The following FBXW8 variants were observed in gnomAD, a reference collection of about 807,000 sequenced individuals.
FBXW8 encodes F-box/WD repeat-containing protein 8.
FBXW8 carries 57 observed loss-of-function variants against 65.3 expected under a neutral mutation model. The observed-to-expected ratio is 0.87, with a 90% CI of 0.71 to 1.09. The LOEUF is 1.09. Ranked by LOEUF, FBXW8 falls within the 50% of genes least tolerant of loss-of-function variation. The pLI is 0.00. For missense variants in FBXW8, 777 were observed against 814.8 expected, an observed-to-expected ratio of 0.95 and a Z score of 0.57; for synonymous variants, 308 against 330.2, an observed-to-expected ratio of 0.93 and a Z score of 0.73.
intron 5 of FBXW8, among the ~76,000 whole-genome samples, chr12:116,970,500 G>A (rs1884589466): frequency 6.6e-6 from 1 of 152,194 alleles, no homozygotes; most frequent in Non-Finnish European, 1.5e-5. Flanking sequence ...ATGGACGGGG[G>A]TGGGTCTCTC....
chr12:116,949,194 G>T (rs569681866), intron 3 of FBXW8: 28 of 166,086 alleles, frequency 1.7e-4, no homozygotes, highest in Admixed American at 3.5e-4. Flanking sequence ...GTCCTTATAA[G>T]AATTAACAGG....
At chr12:117,008,921 G>C (rs1953740220) in intron 7 of FBXW8, among the ~76,000 whole-genome samples, 1 of 152,132 alleles carries the variant, frequency 6.6e-6, no homozygotes, top group South Asian at 2.1e-4. Flanking sequence ...GCCAAAATTA[G>C]CCAGGTGTGG....
intron 2 of FBXW8, among the ~76,000 whole-genome samples, chr12:116,942,770 ATTT>A (rs71099022): frequency 1.8e-3 from 117 of 64,378 alleles, no homozygotes; most frequent in South Asian, 6.4e-3. Context: ...CAGAGCTTCT[ATTT>A]TTTTTTTTTT....
chr12:116,953,085 TG>T (rs776523289), intron 4 of FBXW8, among the ~76,000 whole-genome samples: 57 of 152,254 alleles, frequency 3.7e-4, no homozygotes, highest in Non-Finnish European at 7.3e-4. Context: ...TTTTGTTAAA[TG>T]TATACTGTTT....
At position 116,928,103 on chromosome 12, in the gene FBXW8, GA is replaced by G. The variant is rs1276230448; in HGVS notation, c.402del (p.Glu135AsnfsTer2). ...AINIFQYLDR[K>X]ELGRCAQVSK... ...TCAATATATTTCAGTATCTGGACAG[GA>G]AAGAACTAGGAAGATGTGCACAGGT... is the stretch of plus-strand genomic sequence containing the variant. On this transcript the variant is annotated frameshift_variant, in exon 2 of 11. Coordinates refer to ENST00000652555, the MANE Select transcript of FBXW8 (RefSeq NM_153348.3). LOFTEE classifies it high-confidence loss of function. 2 of 1,609,716 alleles carry G rather than the reference GA, an allele frequency of 1.2e-6. No homozygotes were observed. The highest frequency in any genetic ancestry group is 1.7e-6 in the Non-Finnish European group (2 of 1,177,924).
At chr12:116,990,833 TG>T (rs1953221416) in intron 7 of FBXW8, among the ~76,000 whole-genome samples, 1 of 152,154 alleles carries the variant, frequency 6.6e-6, no homozygotes, top group Non-Finnish European at 1.5e-5. Context: ...ACATTAATTT[TG>T]TGAAAAATCC....
chr12:116,962,912 G>C (rs1324033935), intron 4 of FBXW8, among the ~76,000 whole-genome samples: 1 of 152,226 alleles, frequency 6.6e-6, no homozygotes, highest in Non-Finnish European at 1.5e-5. Flanking sequence ...TTCTGGTATA[G>C]GGTTCCTCAT....
chr12:116,917,278 T>C (rs937543399), intron 1 of FBXW8, among the ~76,000 whole-genome samples: 13 of 152,346 alleles, frequency 8.5e-5, no homozygotes, highest in Admixed American at 6.5e-4. Flanking sequence ...GTGGGCTAGA[T>C]CTGCCTTGGG....
At chr12:117,014,783 G>A (rs949456997) in intron 8 of FBXW8, among the ~76,000 whole-genome samples, 3 of 152,180 alleles carry the variant, frequency 2.0e-5, no homozygotes, top group Non-Finnish European at 4.4e-5. Flanking sequence ...AGCCGTTGCC[G>A]TCCTGCTTTG....
chr12:117,013,875 G>T (rs1360333981), intron 8 of FBXW8, among the ~76,000 whole-genome samples: 1 of 151,788 alleles, frequency 6.6e-6, no homozygotes, highest in Non-Finnish European at 1.5e-5. Context: ...GAGTCACTAA[G>T]GAAAAGTCTG....
chr12:116,997,219 A>G (rs1221852389), intron 7 of FBXW8, among the ~76,000 whole-genome samples: 1 of 152,188 alleles, frequency 6.6e-6, no homozygotes, highest in African/African-American at 2.4e-5. Context: ...GCTTTTGAGG[A>G]CTGGACCATC....
chr12:116,924,089 C>G (rs947343052), intron 1 of FBXW8, among the ~76,000 whole-genome samples: 1 of 152,076 alleles, frequency 6.6e-6, no homozygotes, highest in Non-Finnish European at 1.5e-5. Context: ...TTTAATATTT[C>G]TAATGTCTTT....
chr12:116,980,664 C>T lies in FBXW8; in HGVS notation c.836-4542C>T, dbSNP rs372175983. On this transcript the variant is annotated intron_variant, in intron 5 of 10. Coordinates refer to ENST00000652555, the MANE Select transcript of FBXW8 (RefSeq NM_153348.3). ...TATTTGAGAAGTGAATTTCCTTGAC[C>T]CTGACAGGCATTAACTACTTCTTCC... 3.5e-4 allele frequency among the ~76,000 whole-genome samples: 54 copies of T among 152,188 alleles called. 1 individual carries two copies. The South Asian group carries it at 0.011, about 32-fold the overall frequency.
chr12:116,939,418 C>T (rs1471811044), intron 2 of FBXW8, among the ~76,000 whole-genome samples: 6 of 152,178 alleles, frequency 3.9e-5, no homozygotes, highest in African/African-American at 7.2e-5. Flanking sequence ...AGTTCTGCAG[C>T]GAGGAATTCT....
intron 8 of FBXW8, among the ~76,000 whole-genome samples, chr12:117,013,459 T>G (rs1953873882): frequency 1.3e-5 from 2 of 152,146 alleles, no homozygotes; most frequent in African/African-American, 4.8e-5. Flanking sequence ...CTCTTCTCGC[T>G]AAGACTAAGA....
intron 1 of FBXW8, among the ~76,000 whole-genome samples, chr12:116,920,326 G>A (rs973319867): frequency 6.6e-6 from 1 of 152,150 alleles, no homozygotes; most frequent in Non-Finnish European, 1.5e-5. Flanking sequence ...AAGCAGCTTG[G>A]GTTTCATTCA....
intron 5 of FBXW8, among the ~76,000 whole-genome samples, chr12:116,972,913 C>T (rs1371595760): frequency 2.0e-5 from 3 of 152,044 alleles, no homozygotes; most frequent in African/African-American, 7.2e-5. Context: ...CTAAAAGGAA[C>T]CAGGGATGCT....
chr12:117,001,179 G>A (rs1484190562), intron 7 of FBXW8, among the ~76,000 whole-genome samples: 2 of 152,228 alleles, frequency 1.3e-5, no homozygotes, highest in Non-Finnish European at 2.9e-5. Context: ...GCATGTCTCT[G>A]CCAATACCTC....
At position 116,979,675 on chromosome 12, in the gene FBXW8, CAGG is replaced by C. The variant is rs1885171007; in HGVS notation, c.836-5529_836-5527del. The C allele has an allele frequency of 2.0e-5, 3 of 149,968 alleles. No individual in the cohort carries two copies. The South Asian group carries it at 6.3e-4, about 31-fold the overall frequency. 9.3% of individuals were successfully genotyped at this position (149,968 alleles called of 1,614,324 possible). A position where few individuals can be genotyped will look rare whatever the true frequency, so the allele number is the denominator to read the frequency against. Reference sequence around the variant, plus strand: ...TTTTATCCAGCTATTGAGGTTTGGTCAGGAAGGAAGAAAAACACCTGCTCTTTC... The same window carrying C: ...TTTTATCCAGCTATTGAGGTTTGGTCAAGGAAGAAAAACACCTGCTCTTTC... On this transcript the variant is annotated intron_variant, in intron 5 of 10. Transcript: ENST00000652555.
Sources: allele counts gnomAD v4.1 joint callset (sites outside exome capture counted in the v4.1 genomes callset), GRCh38; gene constraint gnomAD v4.1.1; transcripts MANE v1.5; gene names NCBI Gene and HGNC (gene_info 2026-07-23, HGNC 2026-07-21).